PICALM: variants seen among roughly 807,000 people sequenced by gnomAD.
PICALM encodes the protein phosphatidylinositol-binding clathrin assembly protein.
In PICALM, 40 loss-of-function variants were observed where a neutral mutation model predicts 80.5. That is an observed-to-expected ratio of 0.50 (90% CI 0.39 to 0.65). The LOEUF is 0.65. Ranked by LOEUF, PICALM falls within the 30% of genes least tolerant of loss-of-function variation. PICALM has a pLI of 0.00. For synonymous variants in PICALM, 288 were observed against 260.3 expected, an observed-to-expected ratio of 1.11 and a Z score of -1.02; for missense variants, 676 against 778.9, an observed-to-expected ratio of 0.87 and a Z score of 1.57.
chr11:86,006,974 T>C (rs2095291420), intron 8 of PICALM, among the ~76,000 whole-genome samples: 1 of 152,192 alleles, frequency 6.6e-6, no homozygotes, highest in Non-Finnish European at 1.5e-5. Context: ...GTAGGTACTG[T>C]TGTATCTTCA....
At chr11:86,061,995 A>G (rs903050759) in intron 1 of PICALM, among the ~76,000 whole-genome samples, 1 of 152,228 alleles carries the variant, frequency 6.6e-6, no homozygotes, top group African/African-American at 2.4e-5. Flanking sequence ...TTAGTACGTG[A>G]AAAAAGAAAA....
intron 1 of PICALM, among the ~76,000 whole-genome samples, chr11:86,039,770 G>A (rs3016240): frequency 0.42 from 63,673 of 151,784 alleles, 13,569 homozygotes; most frequent in East Asian, 0.6. Context: ...TTGGGAGGCC[G>A]AGGCGGGCAG....
chr11:86,060,076 A>G (rs996717913), intron 1 of PICALM, among the ~76,000 whole-genome samples: 2 of 152,186 alleles, frequency 1.3e-5, no homozygotes, highest in African/African-American at 2.4e-5. Flanking sequence ...CTTGCTTGAA[A>G]TCTTCCAAAA....
intron 4 of PICALM, among the ~76,000 whole-genome samples, chr11:86,017,409 C>T (rs1316951770): frequency 6.6e-6 from 1 of 152,028 alleles, no homozygotes; most frequent in Non-Finnish European, 1.5e-5. Flanking sequence ...ATTTTGATCA[C>T]CTAAGATTGT....
At chr11:85,986,516 G>C (rs951320063) in intron 13 of PICALM, among the ~76,000 whole-genome samples, 3 of 150,084 alleles carry the variant, frequency 2.0e-5, no homozygotes, top group African/African-American at 7.4e-5. Context: ...TCAGCCTCCC[G>C]AGTAGCTGGG....
At position 86,001,222 on chromosome 11, in the gene PICALM, T is replaced by C; in HGVS notation, c.894-64A>G. On this transcript the variant is annotated intron_variant, in intron 9 of 19. Transcript: ENST00000393346. ...AACACTTCACATTACACCCAGGTCATGAAATGGTCTGGCAACCTTGCCATG... is the reference window on the plus strand; with the variant it reads ...AACACTTCACATTACACCCAGGTCACGAAATGGTCTGGCAACCTTGCCATG... 5.2e-6 allele frequency: 8 copies of C among 1,539,576 alleles called. No individual in the cohort carries two copies. The South Asian group carries it at 6.0e-5, about 12-fold the overall frequency.
chr11:86,060,930 C>G (rs1027986980), intron 1 of PICALM, among the ~76,000 whole-genome samples: 1 of 152,180 alleles, frequency 6.6e-6, no homozygotes, highest in Non-Finnish European at 1.5e-5. Context: ...AAAGAAAGAA[C>G]TGCTAAACTG....
intron 2 of PICALM, among the ~76,000 whole-genome samples, chr11:86,027,966 G>C (rs1351727474): frequency 6.6e-6 from 1 of 152,104 alleles, no homozygotes; most frequent in Non-Finnish European, 1.5e-5. Flanking sequence ...GACAATATTA[G>C]ACTATGATTT....
At chr11:85,992,172 A>G (rs576636677) in intron 12 of PICALM, among the ~76,000 whole-genome samples, 32 of 151,932 alleles carry the variant, frequency 2.1e-4, no homozygotes, top group Middle Eastern at 3.4e-3. Flanking sequence ...AAATATATAT[A>G]TATTTTAGCT....
chr11:85,960,558 G>T, intron 19 of PICALM: 1 of 419,352 alleles, frequency 2.4e-6, no homozygotes, highest in Non-Finnish European at 4.5e-6. Context: ...AGAGGAGGAG[G>T]AGGAGAGGGA....
chr11:86,031,770 A>G (rs1183090402), intron 1 of PICALM, among the ~76,000 whole-genome samples, 159 bp from the exon 2 acceptor site: 1 of 152,180 alleles, frequency 6.6e-6, no homozygotes, highest in Non-Finnish European at 1.5e-5. Context: ...AATTGAGACT[A>G]CCATAATCTA....
intron 4 of PICALM, among the ~76,000 whole-genome samples, chr11:86,018,603 T>C (rs893819802): frequency 6.6e-6 from 1 of 152,102 alleles, no homozygotes; most frequent in Non-Finnish European, 1.5e-5. Context: ...ATGAGATGGA[T>C]TGAGGCCAGA....
At chr11:85,960,808 G>GA in intron 19 of PICALM, 2 of 1,010,638 alleles carry the variant, frequency 2.0e-6, no homozygotes, top group South Asian at 1.5e-5. Flanking sequence ...GAGAGGGAAA[G>GA]AAAAAAAGAT....
intron 13 of PICALM, 22 bp downstream of exon 13, chr11:85,990,228 A>G (rs1045541764): frequency 6.7e-7 from 1 of 1,497,400 alleles, no homozygotes; most frequent in Non-Finnish European, 9.2e-7. Context: ...TGATTGGAAA[A>G]AAAGGTTAAA....
intron 1 of PICALM, among the ~76,000 whole-genome samples, chr11:86,035,256 G>C (rs1014507278): frequency 1.3e-5 from 2 of 151,952 alleles, no homozygotes; most frequent in Non-Finnish European, 2.9e-5. Flanking sequence ...ACCAACTTCA[G>C]CCTATATAGA....
chr11:86,010,648 C>T (rs529969828), intron 7 of PICALM, among the ~76,000 whole-genome samples: 1 of 152,202 alleles, frequency 6.6e-6, no homozygotes, highest in Non-Finnish European at 1.5e-5. Flanking sequence ...ACTATGGCTC[C>T]AGCTGTCTCA....
At chr11:86,002,382 A>G (rs1204908509) in intron 9 of PICALM, among the ~76,000 whole-genome samples, 2 of 152,190 alleles carry the variant, frequency 1.3e-5, no homozygotes, top group African/African-American at 4.8e-5. Context: ...TCACTATACA[A>G]ATTCTTTCTT....
chr11:86,058,872 T>C (rs1004520011), intron 1 of PICALM, among the ~76,000 whole-genome samples: 10 of 152,334 alleles, frequency 6.6e-5, no homozygotes, highest in Non-Finnish European at 1.3e-4. Flanking sequence ...GATCTATTTC[T>C]GGTCCTCTGT....
chr11:86,020,185 A>C (rs1026853519), intron 4 of PICALM, among the ~76,000 whole-genome samples: 38 of 151,542 alleles, frequency 2.5e-4, no homozygotes, highest in Admixed American at 8.5e-4. Context: ...AGATTAAAAG[A>C]AAGCTTAAAT....
Sources: allele counts gnomAD v4.1 joint callset (sites outside exome capture counted in the v4.1 genomes callset), GRCh38; gene constraint gnomAD v4.1.1; transcripts MANE v1.5; gene names NCBI Gene and HGNC (gene_info 2026-07-23, HGNC 2026-07-21).